The following NPNT variants were observed in gnomAD, a reference collection of about 807,000 sequenced individuals.
NPNT encodes the protein nephronectin, also known as preosteoblast EGF-like repeat protein with MAM domain.
Under a neutral mutation model 68.6 loss-of-function variants are expected in NPNT, and 45 were observed. That is an observed-to-expected ratio of 0.66 (90% CI 0.52 to 0.84). The LOEUF is 0.84. Ranked by LOEUF, NPNT falls within the 40% of genes least tolerant of loss-of-function variation. The pLI is 0.00. For missense variants in NPNT, 672 were observed against 714.8 expected (o/e 0.94, Z 0.68); for synonymous variants, 233 against 253.3 (o/e 0.92, Z 0.76).
chr4:105,898,137 G>A, intron 2 of NPNT, 136 bp downstream of exon 2: 1 of 579,976 alleles, frequency 1.7e-6, no homozygotes, highest in Non-Finnish European at 3.0e-6. Flanking sequence ...GGATTTTCAG[G>A]TACAGTCCAG....
chr4:105,914,116 A>G (rs1247749517), intron 2 of NPNT, among the ~76,000 whole-genome samples: 1 of 151,636 alleles, frequency 6.6e-6, no homozygotes, highest in Admixed American at 6.6e-5. Context: ...AGGGATAAAG[A>G]TTTGAGGGAG....
intron 8 of NPNT, among the ~76,000 whole-genome samples, chr4:105,947,348 A>T (rs540016352): frequency 1.3e-5 from 2 of 152,262 alleles, no homozygotes; most frequent in East Asian, 3.9e-4. Flanking sequence ...TAAGAAGATA[A>T]TACGATTAAG....
At chr4:105,898,577 A>G (rs1726150400) in intron 2 of NPNT, among the ~76,000 whole-genome samples, 1 of 152,110 alleles carries the variant, frequency 6.6e-6, no homozygotes, top group Non-Finnish European at 1.5e-5. Flanking sequence ...CTGGGGTTGT[A>G]TTGACAGTGT....
intron 8 of NPNT, among the ~76,000 whole-genome samples, chr4:105,957,145 A>G (rs950195631): frequency 6.6e-6 from 1 of 152,146 alleles, no homozygotes. Context: ...TTGGCCTTTG[A>G]CCAAGAATTC....
chr4:105,935,565 AT>A (rs1277755570), intron 3 of NPNT, among the ~76,000 whole-genome samples: 1 of 152,104 alleles, frequency 6.6e-6, no homozygotes, highest in Non-Finnish European at 1.5e-5. Context: ...CTGTGAGGAA[AT>A]TTTTTTTGAA....
At chr4:105,953,944 C>T (rs1215644332) in intron 8 of NPNT, among the ~76,000 whole-genome samples, 1 of 152,112 alleles carries the variant, frequency 6.6e-6, no homozygotes, top group African/African-American at 2.4e-5. Flanking sequence ...TTACTCTTGG[C>T]AAGAAGTTGA....
chr4:105,923,618 A>G (rs941459086), intron 2 of NPNT, among the ~76,000 whole-genome samples: 1 of 152,116 alleles, frequency 6.6e-6, no homozygotes, highest in Non-Finnish European at 1.5e-5. Context: ...TCCATTCTCA[A>G]GATCGCCTCA....
At chr4:105,898,815 A>G (rs1018858798) in intron 2 of NPNT, among the ~76,000 whole-genome samples, 1 of 152,170 alleles carries the variant, frequency 6.6e-6, no homozygotes, top group Non-Finnish European at 1.5e-5. Flanking sequence ...TTAAAATTGT[A>G]TCTCACTCCT....
chr4:105,937,846 G>A (rs1578642331), intron 4 of NPNT, among the ~76,000 whole-genome samples: 1 of 152,236 alleles, frequency 6.6e-6, no homozygotes, highest in East Asian at 1.9e-4. Flanking sequence ...ATTTAACTGA[G>A]TTGCATAAAA....
At chr4:105,929,082 T>G (rs1219126347) in intron 3 of NPNT, among the ~76,000 whole-genome samples, 1 of 152,094 alleles carries the variant, frequency 6.6e-6, no homozygotes, top group East Asian at 1.9e-4. Flanking sequence ...AAGCCCTGCA[T>G]GCATTAGGTA....
chr4:105,895,578 C>T lies in NPNT; in HGVS notation c.-75C>T, dbSNP rs965576414. 4 of 1,225,168 alleles carry T rather than the reference C, an allele frequency of 3.3e-6. No homozygotes were observed. Among genetic ancestry groups the T allele is most frequent in the Non-Finnish European group, 3.5e-6 (3 of 860,856 alleles). The allele number at this position is 1,225,168 out of a possible 1,614,324, so 75.9% of individuals were successfully genotyped here. A position where few individuals can be genotyped will look rare whatever the true frequency, so the allele number is the denominator to read the frequency against. ...GTTCCTCGAGACTCTCAGAGGGGCG[C>T]CTCCCATCGGCGCCCACCACCCCAA... On this transcript the variant is annotated 5_prime_UTR_variant, in exon 1 of 12. Transcript: ENST00000379987.
At chr4:105,922,891 C>T (rs10004951) in intron 2 of NPNT, among the ~76,000 whole-genome samples, 17,749 of 152,026 alleles carry the variant, frequency 0.12, 1,965 homozygotes, top group African/African-American at 0.3. Context: ...CTGGACTTTA[C>T]TTAAGCTTTA....
At chr4:105,935,667 G>C (rs1315816009) in intron 3 of NPNT, among the ~76,000 whole-genome samples, 1 of 152,162 alleles carries the variant, frequency 6.6e-6, no homozygotes, top group Non-Finnish European at 1.5e-5. Context: ...GATGACAAAA[G>C]TATTTGGTTT....
intron 1 of NPNT, among the ~76,000 whole-genome samples, chr4:105,896,688 C>T (rs1319233414): frequency 1.3e-5 from 2 of 152,180 alleles, no homozygotes; most frequent in East Asian, 3.9e-4. Flanking sequence ...TACCTTTAAT[C>T]TTGGAACGAA....
intron 1 of NPNT, among the ~76,000 whole-genome samples, chr4:105,897,394 T>C (rs1428973428): frequency 1.3e-5 from 2 of 152,238 alleles, no homozygotes; most frequent in Non-Finnish European, 2.9e-5. Flanking sequence ...AGAGCTCTGT[T>C]ACACTTGATT....
Position 105,942,654 on chromosome 4 carries a change from G to T in NPNT, c.1111G>T (p.Asp371Tyr). ...TACACCTCCAGGAGGGATTACAGTT[G>T]ACAACAGGGTACAGACAGACCCTCA... ...ASTPPGGITV[D>Y]NRVQTDPQKP... The change falls in exon 8 of 12, where the codon GAC (aspartate) becomes TAC (tyrosine). Residue 371 changes from aspartate (D) to tyrosine (Y), a missense_variant. By Grantham distance (160) the Asp-to-Tyr change is radical (BLOSUM62 -3). Transcript: ENST00000379987. 1 of 1,613,880 alleles carries T rather than the reference G, an allele frequency of 6.2e-7. No individual in the cohort carries two copies. The highest frequency in any genetic ancestry group is 8.5e-7 in the Non-Finnish European group (1 of 1,179,920).
intron 2 of NPNT, among the ~76,000 whole-genome samples, chr4:105,921,863 T>C (rs563688764): frequency 6.6e-6 from 1 of 152,332 alleles, no homozygotes; most frequent in South Asian, 2.1e-4. Flanking sequence ...AATGAATTTG[T>C]CCATATCTGA....
chr4:105,900,725 C>A (rs1424592476), intron 2 of NPNT, among the ~76,000 whole-genome samples: 2 of 152,120 alleles, frequency 1.3e-5, no homozygotes, highest in East Asian at 3.9e-4. Context: ...CCTGCCTGTA[C>A]CACCCAACAT....
chr4:105,940,695 G>C, intron 7 of NPNT, 59 bp downstream of exon 7: 2 of 1,454,800 alleles, frequency 1.4e-6, no homozygotes, highest in South Asian at 2.4e-5. Context: ...ATTACACAAA[G>C]GCCATTGCTA....
Sources: gnomAD v4.1 joint callset for allele counts (sites outside exome capture counted in the v4.1 genomes callset) on GRCh38, gnomAD v4.1.1 for gene constraint, MANE v1.5 for transcripts, NCBI Gene and HGNC (gene_info 2026-07-23, HGNC 2026-07-21) for gene names.